LNPK: variants seen among roughly 807,000 people sequenced by gnomAD.
LNPK encodes the protein lunapark, ER junction formation factor.
In LNPK, 29 loss-of-function variants were observed where a neutral mutation model predicts 55.2. The observed-to-expected ratio is 0.53, with a 90% CI of 0.39 to 0.72. The LOEUF (loss-of-function observed/expected upper bound fraction) is 0.72, where lower values mean the gene tolerates loss of function less well. Among genes scored for constraint, LNPK ranks in the 30% least tolerant of loss-of-function variants. LNPK has a pLI of 0.00. For synonymous variants in LNPK, 162 were observed against 168.2 expected (o/e 0.96, Z 0.29); for missense variants, 467 against 494.8 (o/e 0.94, Z 0.53).
At chr2:175,975,557 C>T (rs192702310) in intron 5 of LNPK, among the ~76,000 whole-genome samples, 21 of 152,232 alleles carry the variant, frequency 1.4e-4, no homozygotes, top group African/African-American at 3.1e-4. Context: ...ATGAAGAATG[C>T]GGTATCCTTC....
chr2:175,989,075 G>T (rs184766216), intron 4 of LNPK, among the ~76,000 whole-genome samples: 15 of 152,258 alleles, frequency 9.9e-5, no homozygotes, highest in African/African-American at 2.9e-4. Flanking sequence ...ACGCCTGGCT[G>T]AAAGACACTT....
Position 175,992,236 on chromosome 2 carries a change from T to G in LNPK, c.252A>C (p.Pro84=). The part of the protein sequence containing the change: ...LAMTLPFFAF[P]LIIWSIRTVI... ...AAAAAGAATAATTTACTTACATCAA[T>G]GGAAAAGCAAAAAATGGGAGTGTCA... Residue 84 remains proline (P), a synonymous_variant, in exon 4 of 13, where the codon CCA becomes CCC. Transcript: ENST00000272748. 6.4e-7 allele frequency: 1 copy of G among 1,554,390 alleles called. No homozygotes were observed. Among genetic ancestry groups the G allele is most frequent in the Non-Finnish European group, 8.6e-7 (1 of 1,160,542 alleles).
chr2:175,953,771 T>TAA (rs59400321), intron 8 of LNPK, among the ~76,000 whole-genome samples: 8 of 132,498 alleles, frequency 6.0e-5, no homozygotes, highest in East Asian at 2.2e-4. Flanking sequence ...TCCATGTTAC[T>TAA]AAAAAAAAAA....
intron 4 of LNPK, among the ~76,000 whole-genome samples, chr2:175,987,189 T>C (rs1298040808): frequency 3.9e-5 from 6 of 152,116 alleles, no homozygotes; most frequent in Non-Finnish European, 5.9e-5. Flanking sequence ...ACCCAAAGGA[T>C]TGTAAATCAT....
chr2:175,934,410 T>C (rs891644427), intron 12 of LNPK, among the ~76,000 whole-genome samples: 8 of 152,198 alleles, frequency 5.3e-5, no homozygotes, highest in South Asian at 4.1e-4. Context: ...CTATTTTTGA[T>C]AGTATTGATT....
intron 6 of LNPK, among the ~76,000 whole-genome samples, chr2:175,966,991 A>C (rs1355184155): frequency 2.0e-5 from 3 of 152,210 alleles, no homozygotes; most frequent in African/African-American, 7.2e-5. Context: ...AACTATTTCC[A>C]AAAACTCAAC....
chr2:175,943,481 A>G (rs1168731833), intron 9 of LNPK, among the ~76,000 whole-genome samples: 1 of 152,038 alleles, frequency 6.6e-6, no homozygotes, highest in Non-Finnish European at 1.5e-5. Flanking sequence ...CCACAGACCC[A>G]ATATTCCTAA....
intron 8 of LNPK, among the ~76,000 whole-genome samples, chr2:175,957,636 C>T (rs1291895724): frequency 3.3e-5 from 5 of 151,756 alleles, no homozygotes; most frequent in Non-Finnish European, 7.4e-5. Context: ...GCTCCCAGCA[C>T]GATCAACACA....
chr2:176,002,274 G>T (rs1231523188), upstream of LNPK: 1 of 445,898 alleles, frequency 2.2e-6, no homozygotes. Context: ...AGACAAGCCG[G>T]GCCAACTCCT....
chr2:175,995,396 T>C (rs1687884325), intron 2 of LNPK, among the ~76,000 whole-genome samples, 162 bp downstream of exon 2: 1 of 151,940 alleles, frequency 6.6e-6, no homozygotes, highest in Non-Finnish European at 1.5e-5. Flanking sequence ...AATGGAAGTA[T>C]TAAAATAAAA....
Position 175,928,177 on chromosome 2 carries a change from T to C in LNPK, c.*1790A>G, listed in dbSNP as rs1037632107. On this transcript the variant is annotated 3_prime_UTR_variant, in exon 13 of 13. Transcript: ENST00000272748. ...TTGATGCAAAAAACATTGGCTTGAA[T>C]CTGAGAAGCTGAATTACATGTTCGT... 1 of 152,168 alleles carries C rather than the reference T, an allele frequency of 6.6e-6. No homozygotes were observed. Among genetic ancestry groups the C allele is most frequent in the African/African-American group, 2.4e-5 (1 of 41,448 alleles). 9.4% of individuals were successfully genotyped at this position (152,168 alleles called of 1,614,324 possible). A position where few individuals can be genotyped will look rare whatever the true frequency, so the allele number is the denominator to read the frequency against.
At chr2:175,947,749 T>C (rs1295937314) in intron 8 of LNPK, 57 bp from the exon 9 acceptor site, 1 of 1,200,792 alleles carries the variant, frequency 8.3e-7, no homozygotes, top group Non-Finnish European at 1.2e-6. Flanking sequence ...TTAGCCAGTA[T>C]CACAAACAAT....
rs537467150 is a variant in LNPK, at chr2:175,928,448, G to A, written c.*1519C>T. 7 of 147,276 alleles carry A rather than the reference G, an allele frequency of 4.8e-5. No homozygotes were observed. The highest frequency in any genetic ancestry group is 2.0e-4 in the East Asian group (1 of 5,018). 9.1% of individuals were successfully genotyped at this position (147,276 alleles called of 1,614,324 possible). On this transcript the variant is annotated 3_prime_UTR_variant, in exon 13 of 13. Coordinates refer to ENST00000272748, the MANE Select transcript of LNPK (RefSeq NM_030650.3). ...CAGACCTGAAATTTAAGCCCAATAC[G>A]GCAGGCTCAAAAACTCTGGTTACTA... is the stretch of plus-strand genomic sequence containing the variant.
intron 4 of LNPK, among the ~76,000 whole-genome samples, chr2:175,985,040 C>T (rs1381027293): frequency 6.6e-6 from 1 of 152,172 alleles, no homozygotes; most frequent in Non-Finnish European, 1.5e-5. Context: ...GAATTATTGA[C>T]ACACTGAACA....
chr2:175,981,911 A>C (rs1421559151), intron 4 of LNPK, among the ~76,000 whole-genome samples: 1 of 152,124 alleles, frequency 6.6e-6, no homozygotes, highest in Non-Finnish European at 1.5e-5. Context: ...TAAGCTACTA[A>C]GTTTTGGGGC....
chr2:175,968,749 C>T (rs992589222), intron 6 of LNPK, among the ~76,000 whole-genome samples: 59 of 152,266 alleles, frequency 3.9e-4, no homozygotes, highest in Admixed American at 3.5e-3. Flanking sequence ...TTTCAAATTA[C>T]ATTACAAATC....
At chr2:175,948,794 G>C (rs912386798) in intron 8 of LNPK, among the ~76,000 whole-genome samples, 2 of 152,104 alleles carry the variant, frequency 1.3e-5, no homozygotes, top group Admixed American at 6.6e-5. Context: ...CATTGCAATT[G>C]AAAGTACAGC....
intron 2 of LNPK, 61 bp downstream of exon 2, chr2:175,995,497 T>A: frequency 7.5e-7 from 1 of 1,325,132 alleles, no homozygotes; most frequent in Non-Finnish European, 1.1e-6. Context: ...CTTTCACAAA[T>A]AGCTTTATGT....
chr2:175,970,858 C>A lies in LNPK; in HGVS notation c.317-54G>T, dbSNP rs746481516. 34 of 1,347,454 alleles carry A rather than the reference C, an allele frequency of 2.5e-5. No individual in the cohort carries two copies. In the Admixed American group the frequency reaches 2.7e-4, roughly 11 times the overall value. 83.5% of individuals were successfully genotyped at this position (1,347,454 alleles called of 1,614,324 possible). A position where few individuals can be genotyped will look rare whatever the true frequency, so the allele number is the denominator to read the frequency against. On this transcript the variant is annotated intron_variant, in intron 5 of 12. Transcript: ENST00000272748. Reference sequence around the variant, plus strand: ...AAGATATTTAGATATAAGAAAAAATCACGCCAAATGACACACGGTAGCAAA... The same window carrying A: ...AAGATATTTAGATATAAGAAAAAATAACGCCAAATGACACACGGTAGCAAA...
Sources: gnomAD v4.1 joint callset for allele counts (sites outside exome capture counted in the v4.1 genomes callset) on GRCh38, gnomAD v4.1.1 for gene constraint, MANE v1.5 for transcripts, NCBI Gene and HGNC (gene_info 2026-07-23, HGNC 2026-07-21) for gene names.